The following ZNF782 variants were observed in gnomAD, a reference collection of about 807,000 sequenced individuals.
ZNF782 encodes the protein zinc finger protein 782.
Under a neutral mutation model 13.0 loss-of-function variants are expected in ZNF782, and 12 were observed. That is an observed-to-expected ratio of 0.92 (90% CI 0.59 to 1.50). ZNF782 has a LOEUF of 1.50. ZNF782 is among the 40% of genes most tolerant of loss of function. ZNF782 has a pLI of 0.00. For synonymous variants in ZNF782, 284 were observed against 283.0 expected (o/e 1.00, Z -0.04); for missense variants, 770 against 822.9 (o/e 0.94, Z 0.79).
intron 4 of ZNF782, among the ~76,000 whole-genome samples, chr9:96,833,756 G>C (rs1850886769): frequency 6.6e-6 from 1 of 152,158 alleles, no homozygotes; most frequent in African/African-American, 2.4e-5. Flanking sequence ...TCCTTGAAGA[G>C]GAGTAACTAC....
chr9:96,920,548 G>A, the ZNF782 span, among the ~76,000 whole-genome samples: 1 of 148,770 alleles, frequency 6.7e-6, no homozygotes, highest in Admixed American at 6.7e-5. Flanking sequence ...TTACAGGCGT[G>A]AGCCACCGCG....
Sources: allele counts gnomAD v4.1 joint callset (sites outside exome capture counted in the v4.1 genomes callset), GRCh38; gene constraint gnomAD v4.1.1; transcripts MANE v1.5; gene names NCBI Gene and HGNC (gene_info 2026-07-23, HGNC 2026-07-21).